Variants in SYT9 observed in about 807,000 individuals in gnomAD.
SYT9 encodes synaptotagmin-9.
A neutral mutation model predicts 48.4 loss-of-function variants in SYT9; 22 were observed. The ratio of observed to expected loss-of-function variants is 0.45; its 90% confidence interval spans 0.32 to 0.65. SYT9 has a LOEUF of 0.65. Among genes scored for constraint, SYT9 ranks in the 30% least tolerant of loss-of-function variants. SYT9 has a pLI of 0.03. For synonymous variants in SYT9, 265 were observed against 245.0 expected (o/e 1.08, Z -0.76); for missense variants, 577 against 622.0 (o/e 0.93, Z 0.77).
intron 3 of SYT9, among the ~76,000 whole-genome samples, chr11:7,332,255 G>A (rs1023556902): frequency 3.3e-5 from 5 of 152,166 alleles, no homozygotes; most frequent in African/African-American, 7.2e-5. Context: ...CGAGGGGGCC[G>A]CCGTTTTACC....
intron 3 of SYT9, among the ~76,000 whole-genome samples, chr11:7,364,734 G>C (rs1345267003): frequency 2.0e-5 from 3 of 152,148 alleles, no homozygotes; most frequent in Non-Finnish European, 2.9e-5. Flanking sequence ...TGACCCAGTT[G>C]AAAACTCTAA....
At chr11:7,311,519 T>G (rs1849133627) in intron 2 of SYT9, among the ~76,000 whole-genome samples, 1 of 152,170 alleles carries the variant, frequency 6.6e-6, no homozygotes, top group Admixed American at 6.5e-5. Context: ...TGGGACTGGA[T>G]TGTGTAGACA....
intron 3 of SYT9, among the ~76,000 whole-genome samples, chr11:7,391,271 G>A (rs1159611230): frequency 6.6e-6 from 1 of 152,154 alleles, no homozygotes; most frequent in East Asian, 1.9e-4. Context: ...GAACATACAA[G>A]TGCACCCCTC....
intron 3 of SYT9, among the ~76,000 whole-genome samples, chr11:7,339,499 C>G (rs1849680422): frequency 6.6e-6 from 1 of 152,116 alleles, no homozygotes; most frequent in Non-Finnish European, 1.5e-5. Context: ...ACAGCCTTTC[C>G]TTTCTATATT....
At chr11:7,324,419 TTTTC>T (rs967162068) in intron 3 of SYT9, among the ~76,000 whole-genome samples, 222 of 151,986 alleles carry the variant, frequency 1.5e-3, no homozygotes, top group African/African-American at 5.3e-3. Flanking sequence ...TCCTGTATGA[TTTTC>T]TTTCTTTTTT....
intron 1 of SYT9, among the ~76,000 whole-genome samples, chr11:7,287,594 C>T (rs1241410163): frequency 2.0e-5 from 3 of 152,174 alleles, no homozygotes; most frequent in Non-Finnish European, 2.9e-5. Context: ...GGTCTCTATC[C>T]TTAGTTATTC....
intron 6 of SYT9, among the ~76,000 whole-genome samples, chr11:7,423,571 C>T (rs1847396037): frequency 6.6e-6 from 1 of 152,142 alleles, no homozygotes; most frequent in Admixed American, 6.5e-5. Flanking sequence ...ATATGAAATG[C>T]AGCATTGTAG....
At chr11:7,260,316 A>G (rs1461093700) in intron 1 of SYT9, among the ~76,000 whole-genome samples, 2 of 152,218 alleles carry the variant, frequency 1.3e-5, no homozygotes, top group African/African-American at 2.4e-5. Context: ...GGCTTCCTAC[A>G]GAAGTCTATT....
At chr11:7,458,552 T>C (rs1848191288) in intron 6 of SYT9, among the ~76,000 whole-genome samples, 1 of 152,188 alleles carries the variant, frequency 6.6e-6, no homozygotes, top group African/African-American at 2.4e-5. Context: ...ATAGATTGTT[T>C]ACTTTTTACA....
At chr11:7,277,766 T>C (rs1048324091) in intron 1 of SYT9, among the ~76,000 whole-genome samples, 7 of 152,238 alleles carry the variant, frequency 4.6e-5, no homozygotes, top group African/African-American at 1.7e-4. Context: ...ACCTTTATCA[T>C]CAACTTGTTG....
intron 3 of SYT9, chr11:7,314,463 C>A: frequency 4.5e-6 from 1 of 223,124 alleles, no homozygotes; most frequent in South Asian, 6.1e-5. Context: ...GTAAAACTCA[C>A]AAAATCCAAG....
intron 6 of SYT9, among the ~76,000 whole-genome samples, chr11:7,421,763 A>G (rs1847358848): frequency 6.6e-6 from 1 of 152,278 alleles, no homozygotes; most frequent in Non-Finnish European, 1.5e-5. Context: ...ACAGATATGA[A>G]TAAGAAACAG....
intron 3 of SYT9, among the ~76,000 whole-genome samples, chr11:7,414,549 A>G (rs1269649930): frequency 1.3e-5 from 2 of 152,224 alleles, no homozygotes; most frequent in Admixed American, 6.5e-5. Flanking sequence ...CTCCAGTCGT[A>G]TAGAATTCTA....
chr11:7,344,403 CAA>C (rs1849764904), intron 3 of SYT9, among the ~76,000 whole-genome samples: 1 of 152,122 alleles, frequency 6.6e-6, no homozygotes, highest in Admixed American at 6.5e-5. Context: ...TAATTCTGCT[CAA>C]GTCCATTTAC....
At chr11:7,355,931 CAGTG>C (rs1380857510) in intron 3 of SYT9, among the ~76,000 whole-genome samples, 1 of 152,248 alleles carries the variant, frequency 6.6e-6, no homozygotes, top group Non-Finnish European at 1.5e-5. Flanking sequence ...GTGTCTACCA[CAGTG>C]AGCCTGGCCC....
At chr11:7,369,203 T>G (rs1383270459) in intron 3 of SYT9, among the ~76,000 whole-genome samples, 1 of 151,548 alleles carries the variant, frequency 6.6e-6, no homozygotes, top group Admixed American at 6.6e-5. Context: ...TATCTCACTG[T>G]GGTTTTAATT....
chr11:7,274,315 ATCT>A (rs1005980267), intron 1 of SYT9, among the ~76,000 whole-genome samples: 11 of 127,672 alleles, frequency 8.6e-5, no homozygotes, highest in Admixed American at 5.2e-4. Flanking sequence ...TGTGAAGTTC[ATCT>A]TTTTTTTTTT....
intron 3 of SYT9, among the ~76,000 whole-genome samples, chr11:7,391,796 G>A (rs1318589039): frequency 5.6e-5 from 8 of 143,462 alleles, no homozygotes; most frequent in African/African-American, 2.1e-4. Flanking sequence ...TACGCCTGTA[G>A]TCCCAGCTAC....
At chr11:7,371,791 C>T (rs1850367243) in intron 3 of SYT9, among the ~76,000 whole-genome samples, 1 of 152,068 alleles carries the variant, frequency 6.6e-6, no homozygotes, top group South Asian at 2.1e-4. Flanking sequence ...CAGCGTAATG[C>T]CTTTGATGTT....
Sources: allele counts gnomAD v4.1 joint callset (sites outside exome capture counted in the v4.1 genomes callset), GRCh38; gene constraint gnomAD v4.1.1; transcripts MANE v1.5; gene names NCBI Gene and HGNC (gene_info 2026-07-23, HGNC 2026-07-21).